The following KRABD5 variants were observed in gnomAD, a reference collection of about 807,000 sequenced individuals.
KRABD5 encodes KRAB domain-containing protein 5.
chr16:31,759,557 TAAAA>T, the KRABD5 span: 1 of 807,660 alleles, frequency 1.2e-6, no homozygotes, highest in Non-Finnish European at 2.0e-6. Flanking sequence ...AAAAAAATCT[TAAAA>T]AAATTAAATG....
chr16:31,736,674 C>T, the KRABD5 span, among the ~76,000 whole-genome samples: 6 of 151,810 alleles, frequency 4.0e-5, no homozygotes, highest in African/African-American at 1.2e-4. Context: ...CCCACCACCA[C>T]GCCCAGCTAA....
At chr16:31,733,682 A>T in the KRABD5 span, 1 of 453,948 alleles carries the variant, frequency 2.2e-6, no homozygotes, top group Admixed American at 2.4e-5. Context: ...TTCACCTGAC[A>T]TAATGTCCTC....
the KRABD5 span, among the ~76,000 whole-genome samples, chr16:31,735,755 T>A: frequency 0.13 from 20,270 of 152,150 alleles, 1,782 homozygotes; most frequent in South Asian, 0.32. Context: ...GGCACATTTT[T>A]AAATTGGATT....
chr16:31,726,950 A>C, the KRABD5 span, among the ~76,000 whole-genome samples: 1 of 152,110 alleles, frequency 6.6e-6, no homozygotes, highest in African/African-American at 2.4e-5. Context: ...GTCTTTTTCA[A>C]TTGTATTCAT....
the KRABD5 span, among the ~76,000 whole-genome samples, chr16:31,743,181 C>T: frequency 1.3e-5 from 2 of 152,074 alleles, no homozygotes; most frequent in African/African-American, 2.4e-5. Flanking sequence ...GTGTTTTAGT[C>T]GTGAAGTCTT....
the KRABD5 span, chr16:31,713,362 C>CT: frequency 6.3e-7 from 1 of 1,576,684 alleles, no homozygotes. Context: ...GACAGAACCT[C>CT]TGTTACTCTG....
the KRABD5 span, among the ~76,000 whole-genome samples, chr16:31,740,860 G>T: frequency 3.3e-5 from 5 of 152,080 alleles, no homozygotes; most frequent in Non-Finnish European, 7.4e-5. Flanking sequence ...AGGTGTACAT[G>T]TGTTGGTTCA....
the KRABD5 span, among the ~76,000 whole-genome samples, chr16:31,718,778 A>G: frequency 6.6e-6 from 1 of 152,136 alleles, no homozygotes; most frequent in Non-Finnish European, 1.5e-5. Flanking sequence ...CTCCTGCCCA[A>G]ATCACTACTG....
At chr16:31,717,086 T>A in the KRABD5 span, among the ~76,000 whole-genome samples, 2 of 149,616 alleles carry the variant, frequency 1.3e-5, no homozygotes, top group Admixed American at 1.4e-4. Flanking sequence ...AACCTCTGCC[T>A]CTTGGGTTCA....
the KRABD5 span, among the ~76,000 whole-genome samples, chr16:31,715,941 T>C: frequency 6.6e-6 from 1 of 152,174 alleles, no homozygotes; most frequent in East Asian, 1.9e-4. Context: ...GAGAAGCGAC[T>C]GAGGACAGAA....
the KRABD5 span, among the ~76,000 whole-genome samples, chr16:31,731,738 C>T: frequency 6.6e-6 from 1 of 152,212 alleles, no homozygotes; most frequent in Non-Finnish European, 1.5e-5. Flanking sequence ...TCCAGGGGCA[C>T]AGATGTGTGT....
the KRABD5 span, among the ~76,000 whole-genome samples, chr16:31,725,201 C>T: frequency 6.6e-5 from 10 of 152,220 alleles, no homozygotes; most frequent in African/African-American, 1.4e-4. Context: ...CTACAACCTC[C>T]GCTTCCTGGG....
the KRABD5 span, among the ~76,000 whole-genome samples, chr16:31,739,054 A>T: frequency 6.6e-6 from 1 of 152,200 alleles, no homozygotes; most frequent in African/African-American, 2.4e-5. Context: ...TGACTTTTCA[A>T]ATCTATAGCA....
the KRABD5 span, among the ~76,000 whole-genome samples, chr16:31,752,589 G>A: frequency 6.6e-6 from 1 of 152,250 alleles, no homozygotes; most frequent in African/African-American, 2.4e-5. Context: ...GTCACAAAAT[G>A]CCAGGTTCAG....
the KRABD5 span, among the ~76,000 whole-genome samples, chr16:31,752,485 A>G: frequency 6.6e-6 from 1 of 152,146 alleles, no homozygotes; most frequent in Non-Finnish European, 1.5e-5. Flanking sequence ...TAGCATGTGT[A>G]GGTATTCTTG....
the KRABD5 span, chr16:31,713,589 C>T: frequency 1.7e-6 from 2 of 1,165,020 alleles, no homozygotes; most frequent in Non-Finnish European, 2.4e-6. Flanking sequence ...GGCGGCCGGG[C>T]CGGCAGCCGG....
At chr16:31,759,312 G>A in the KRABD5 span, 6 of 1,525,730 alleles carry the variant, frequency 3.9e-6, no homozygotes, top group East Asian at 1.5e-4. Context: ...TGAGAGAAAA[G>A]TTGGACACAA....
the KRABD5 span, among the ~76,000 whole-genome samples, chr16:31,736,921 T>C: frequency 3.0e-4 from 45 of 152,338 alleles, 1 homozygote; most frequent in South Asian, 8.9e-3. Flanking sequence ...AGTGTAGAGA[T>C]CTTTCACTTT....
the KRABD5 span, among the ~76,000 whole-genome samples, chr16:31,727,784 A>G: frequency 6.6e-6 from 1 of 152,158 alleles, no homozygotes; most frequent in African/African-American, 2.4e-5. Context: ...TTGTTGTCAT[A>G]TAATTGTTCA....
Sources: gnomAD v4.1 joint callset for allele counts (sites outside exome capture counted in the v4.1 genomes callset) on GRCh38, gnomAD v4.1.1 for gene constraint, MANE v1.5 for transcripts, NCBI Gene and HGNC (gene_info 2026-07-23, HGNC 2026-07-21) for gene names.